The following PXDN variants were observed in gnomAD, a reference collection of about 807,000 sequenced individuals.
PXDN encodes peroxidasin, also known as peroxidasin homolog.
In PXDN, 77 loss-of-function variants were observed where a neutral mutation model predicts 140.3. The ratio of observed to expected loss-of-function variants is 0.55; its 90% CI spans 0.46 to 0.66. PXDN has a LOEUF of 0.66. Among genes scored for constraint, PXDN ranks in the 30% least tolerant of loss-of-function variants. PXDN has a pLI of 0.00. For synonymous variants in PXDN, 911 were observed against 857.4 expected (o/e 1.06, Z -1.09); for missense variants, 1,838 against 2,039.5 (o/e 0.90, Z 1.90).
chr2:1,701,156 T>C (rs1684419067), intron 1 of PXDN, among the ~76,000 whole-genome samples: 1 of 152,142 alleles, frequency 6.6e-6, no homozygotes, highest in Admixed American at 6.5e-5. Context: ...CCATTAACAT[T>C]TGCCTGACCT....
chr2:1,658,341 C>T (rs1255319705), intron 14 of PXDN, among the ~76,000 whole-genome samples: 2 of 152,002 alleles, frequency 1.3e-5, no homozygotes, highest in Non-Finnish European at 2.9e-5. Context: ...TCAAACAGGA[C>T]TCCTCCATCT....
chr2:1,735,263 C>A (rs994644037), intron 1 of PXDN, among the ~76,000 whole-genome samples: 7 of 151,966 alleles, frequency 4.6e-5, no homozygotes, highest in Admixed American at 6.6e-5. Context: ...GATGTTTTGA[C>A]CCCCCCATGA....
chr2:1,649,250 C>A lies in PXDN; in HGVS notation c.2530G>T (p.Gly844Ter). 1 of 1,613,124 alleles carries A rather than the reference C, an allele frequency of 6.2e-7. No homozygotes were observed. Among genetic ancestry groups the A allele is most frequent in the Non-Finnish European group, 8.5e-7 (1 of 1,179,728 alleles). ...VALSQARFSD[G>*]QHCSNVCSND... ...CTGCACACGTTGCTGCAGTGCTGTC[C>A]GTCGGAGAAGCGTGCCTGGCTCAGG... Residue 844 changes from glycine to a stop codon, truncating the protein, a stop_gained, in exon 17 of 23, where the codon GGA (glycine) becomes TGA (stop). Coordinates refer to ENST00000252804, the MANE Select transcript of PXDN (RefSeq NM_012293.3). LOFTEE classifies it high-confidence loss of function. The surrounding 1 kb of genome is among the most constrained non-coding windows in gnomAD (Gnocchi z 7.1).
chr2:1,662,500 G>T (rs1288025699), intron 12 of PXDN, among the ~76,000 whole-genome samples: 1 of 152,196 alleles, frequency 6.6e-6, no homozygotes, highest in Admixed American at 6.5e-5. Flanking sequence ...CCAGCCCCCA[G>T]TCCCTCACCG....
At chr2:1,640,928 G>A (rs1463982695) in intron 19 of PXDN, among the ~76,000 whole-genome samples, 7 of 152,136 alleles carry the variant, frequency 4.6e-5, no homozygotes, top group South Asian at 2.1e-4. Context: ...TGGGACCTCC[G>A]TCCCTCCAGG....
chr2:1,742,812 GGGCCCCCGCCC>G (rs1308511319), intron 1 of PXDN, among the ~76,000 whole-genome samples: 2 of 152,154 alleles, frequency 1.3e-5, no homozygotes, highest in African/African-American at 4.8e-5. Flanking sequence ...AGAGGAACTC[GGGCCCCCGCCC>G]CGCCCCAGGG....
At chr2:1,676,628 A>T in intron 8 of PXDN, 1 of 448,870 alleles carries the variant, frequency 2.2e-6, no homozygotes, top group Non-Finnish European at 4.1e-6. Flanking sequence ...GGGAGAGAAC[A>T]ACCAGCATGC....
intron 1 of PXDN, among the ~76,000 whole-genome samples, chr2:1,693,696 G>A (rs940250333): frequency 6.6e-6 from 1 of 152,332 alleles, no homozygotes; most frequent in South Asian, 2.1e-4. Flanking sequence ...TTCCAAACAG[G>A]CATTTTCAGT....
chr2:1,651,629 C>T lies in PXDN; in HGVS notation c.2105-1954G>A, dbSNP rs913217839. ...CACCTGCTGTTCCACTATGCTCCAACGTGCCCCACCTCCAAGACTCTGCAT... is the reference window on the plus strand; with the variant it reads ...CACCTGCTGTTCCACTATGCTCCAATGTGCCCCACCTCCAAGACTCTGCAT... On this transcript the variant is annotated intron_variant, in intron 16 of 22. Transcript: ENST00000252804. The surrounding 1 kb of genome is among the most constrained non-coding windows in gnomAD (Gnocchi z 4.4). Among the ~76,000 whole-genome samples the T allele has an allele frequency of 6.6e-6, 1 of 152,216 alleles. No individual in the cohort carries two copies. The highest frequency in any genetic ancestry group is 1.5e-5 in the Non-Finnish European group (1 of 68,040).
chr2:1,697,015 A>C (rs969860369), intron 1 of PXDN, among the ~76,000 whole-genome samples: 1 of 152,168 alleles, frequency 6.6e-6, no homozygotes, highest in Non-Finnish European at 1.5e-5. Flanking sequence ...GATTCTAGAG[A>C]GCTCAGGAGG....
rs541482331 is a variant in PXDN, at chr2:1,729,574, G to C, written c.200+14682C>G. Among the ~76,000 whole-genome samples, 176 of 151,138 alleles carry C rather than the reference G, an allele frequency of 1.2e-3. 1 individual carries two copies. Among genetic ancestry groups the C allele is most frequent in the African/African-American group, 4.0e-3 (164 of 40,852 alleles). On this transcript the variant is annotated intron_variant, in intron 1 of 22. Coordinates refer to ENST00000252804, the MANE Select transcript of PXDN (RefSeq NM_012293.3). ...GTTCCTACAGCAGGGTGGGGGAGGG[G>C]GGTGAGGGATAAAAGTCTACACGTT...
At chr2:1,696,890 A>T (rs1242804269) in intron 1 of PXDN, among the ~76,000 whole-genome samples, 1 of 152,212 alleles carries the variant, frequency 6.6e-6, no homozygotes, top group East Asian at 1.9e-4. Flanking sequence ...GCTCAGGGCA[A>T]GAAGACACCA....
chr2:1,743,708 AGGAGGAGGAAGG>A (rs1405763967), intron 1 of PXDN, among the ~76,000 whole-genome samples: 3 of 15,860 alleles, frequency 1.9e-4, no homozygotes, highest in African/African-American at 3.1e-4. Context: ...GAAGGGGAGG[AGGAGGAGGAAGG>A]GGAGGAGGAA....
At chr2:1,636,264 G>A (rs975996146) in intron 21 of PXDN, 3 of 152,624 alleles carry the variant, frequency 2.0e-5, no homozygotes, top group African/African-American at 7.2e-5. Context: ...TGTCTGAAAT[G>A]AACACAAATT....
In PXDN at chr2:1,653,784, G is replaced by A. The variant is rs376452196; in HGVS notation, c.1948C>T (p.Arg650Cys). Residue 650 changes from arginine to cysteine, a missense_variant and splice_region_variant, in exon 16 of 23, where the codon CGT becomes TGT. Arg to Cys is a radical substitution (Grantham distance 180). This residue lies in a region of PXDN where 537 missense variants were observed against 583.9 expected (regional missense o/e 0.92). Coordinates refer to ENST00000252804, the MANE Select transcript of PXDN (RefSeq NM_012293.3). ...AGCAAATCATTTGGAGAACGAGGAC[G>A]GCTAACCAGAGTTTAGGGGGAAGAA... ...NSTRTHLFDS[R>C]PRSPNDLLAL... 1.3e-5 allele frequency: 20 copies of A among 1,565,182 alleles called. No homozygotes were observed. Among genetic ancestry groups the A allele is most frequent in the East Asian group, 2.3e-5 (1 of 42,580 alleles).
chr2:1,652,666 T>G (rs909886276), intron 16 of PXDN, among the ~76,000 whole-genome samples: 1 of 150,958 alleles, frequency 6.6e-6, no homozygotes, highest in Non-Finnish European at 1.5e-5. Context: ...CAGCTTCACA[T>G]TGGCTGGTGC....
At chr2:1,652,650 A>G (rs1048764372) in intron 16 of PXDN, among the ~76,000 whole-genome samples, 7 of 151,638 alleles carry the variant, frequency 4.6e-5, no homozygotes, top group Non-Finnish European at 7.4e-5. Flanking sequence ...GGAGCTGCGG[A>G]ACATACAGCT....
intron 1 of PXDN, among the ~76,000 whole-genome samples, chr2:1,729,913 T>G (rs537802192): frequency 6.6e-6 from 1 of 152,350 alleles, no homozygotes; most frequent in Middle Eastern, 3.4e-3. Flanking sequence ...ACAATGATGA[T>G]GGAGGCCTCT....
chr2:1,722,755 AG>A (rs1284956892), intron 1 of PXDN, among the ~76,000 whole-genome samples: 6 of 152,268 alleles, frequency 3.9e-5, no homozygotes, highest in East Asian at 1.9e-4. Flanking sequence ...AAAATATGGG[AG>A]GGGGGTACGA....
Sources: gnomAD v4.1 joint callset for allele counts (sites outside exome capture counted in the v4.1 genomes callset) on GRCh38, gnomAD v4.1.1 for gene constraint, gnomAD v4.1.1 regional missense constraint, Gnocchi (gnomAD v3.1) non-coding constraint, MANE v1.5 for transcripts, NCBI Gene and HGNC (gene_info 2026-07-23, HGNC 2026-07-21) for gene names.